HS6ST2: variants seen among roughly 807,000 people sequenced by gnomAD.
HS6ST2 encodes the protein heparan-sulfate 6-O-sulfotransferase 2.
HS6ST2 carries 17 observed loss-of-function variants against 33.0 expected under a neutral mutation model. The observed-to-expected ratio is 0.52, with a 90% CI of 0.35 to 0.77. The LOEUF is 0.77. Among genes scored for constraint, HS6ST2 ranks in the 30% least tolerant of loss-of-function variants. The pLI, the probability that HS6ST2 is intolerant of heterozygous loss-of-function variation, is 0.01. For missense variants in HS6ST2, 519 were observed against 551.7 expected, an observed-to-expected ratio of 0.94 and a Z score of 0.59; for synonymous variants, 248 against 237.1, an observed-to-expected ratio of 1.05 and a Z score of -0.42.
intron 4 of HS6ST2, chrX:132,667,770 G>A (rs759703099): frequency 1.8e-5 from 2 of 112,371 alleles, no homozygotes; most frequent in Non-Finnish European, 3.8e-5. Context: ...ATTGTTGTAA[G>A]CATGGAGTTA....
At chrX:132,913,315 G>T (rs960545129) in intron 2 of HS6ST2, among the ~76,000 whole-genome samples, 4 of 112,350 alleles carry the variant, frequency 3.6e-5, no homozygotes, top group Non-Finnish European at 7.5e-5. Flanking sequence ...TAGCCCTGGG[G>T]CTGCGGGCTG....
chrX:132,835,964 A>T (rs1319136508), intron 2 of HS6ST2, among the ~76,000 whole-genome samples: 1 of 111,708 alleles, frequency 9.0e-6, no homozygotes, highest in East Asian at 2.8e-4. Flanking sequence ...TCCTGTTTCG[A>T]TGCCTCACAT....
chrX:132,719,822 GCTCTTGTCTT>G (rs1409842175), intron 2 of HS6ST2, among the ~76,000 whole-genome samples: 1 of 112,584 alleles, frequency 8.9e-6, no homozygotes, highest in African/African-American at 3.2e-5. Context: ...ACTTTGGACT[GCTCTTGTCTT>G]CAGGATCCAA....
At chrX:132,723,119 T>A (rs748990620) in intron 2 of HS6ST2, among the ~76,000 whole-genome samples, 9 of 111,145 alleles carry the variant, frequency 8.1e-5, no homozygotes, top group Non-Finnish European at 1.5e-4. Flanking sequence ...CTACCAAGAC[T>A]GAACCATGAG....
chrX:132,696,009 C>G (rs1241234266), intron 3 of HS6ST2, among the ~76,000 whole-genome samples: 1 of 111,562 alleles, frequency 9.0e-6, no homozygotes, highest in Non-Finnish European at 1.9e-5. Context: ...CATAACTAAT[C>G]CTCTGAGTCG....
At chrX:132,761,561 A>G (rs931908600) in intron 2 of HS6ST2, among the ~76,000 whole-genome samples, 12 of 112,188 alleles carry the variant, frequency 1.1e-4, no homozygotes, top group Non-Finnish European at 1.9e-4. Context: ...CAGCGTCTCT[A>G]CTTCCCTGTG....
In HS6ST2 at chrX:132,865,134, C is replaced by G. The variant is rs754243434; in HGVS notation, c.947+91674G>C. On this transcript the variant is annotated intron_variant, in intron 2 of 4. Transcript: ENST00000370833. ...CAATGCTATCCCTCCCCCCTCCCCC[C>G]ACCCCACAACAGTCCCCAGAGTGTG... 3.8e-3 allele frequency among the ~76,000 whole-genome samples: 319 copies of G among 84,072 alleles called. 1 individual carries two copies. Among genetic ancestry groups the G allele is most frequent in the African/African-American group, 0.012 (293 of 23,646 alleles). 73.0% of individuals were successfully genotyped at this position (84,072 alleles called of 115,157 possible).
At chrX:132,809,258 G>T (rs2065315273) in intron 2 of HS6ST2, among the ~76,000 whole-genome samples, 1 of 111,859 alleles carries the variant, frequency 8.9e-6, no homozygotes, top group Non-Finnish European at 1.9e-5. Context: ...GAAAGTGCTG[G>T]GATTATAGGC....
intron 2 of HS6ST2, among the ~76,000 whole-genome samples, chrX:132,828,492 G>A (rs2065547773): frequency 9.3e-6 from 1 of 107,457 alleles, no homozygotes; most frequent in Non-Finnish European, 1.9e-5. Flanking sequence ...CCAAAGCCAT[G>A]GCAATCTCCC....
rs1038980953 is a variant in HS6ST2, at chrX:132,650,872, C to T, written c.1067+18241G>A. 6.3e-5 allele frequency among the ~76,000 whole-genome samples: 7 copies of T among 110,463 alleles called. No homozygotes were observed. The Admixed American group carries it at 6.8e-4, about 11-fold the overall frequency. On this transcript the variant is annotated intron_variant, in intron 4 of 4. Transcript: ENST00000370833. ...TCACTGCAGACTCAAACTCCTGATT[C>T]TTGCATCTTAGCTTCCCAAGTGGCT...
chrX:132,922,192 G>T (rs776485183), intron 2 of HS6ST2, among the ~76,000 whole-genome samples: 44 of 111,661 alleles, frequency 3.9e-4, no homozygotes, highest in Non-Finnish European at 7.9e-4. Flanking sequence ...CACGAGGTCA[G>T]GAGATCGAGA....
At chrX:132,895,827 C>G (rs1245820483) in intron 2 of HS6ST2, among the ~76,000 whole-genome samples, 1 of 110,470 alleles carries the variant, frequency 9.1e-6, no homozygotes, top group Non-Finnish European at 1.9e-5. Context: ...AATGGACTGA[C>G]AGTGACTCTG....
chrX:132,631,277 A>G (rs146599680), intron 4 of HS6ST2, among the ~76,000 whole-genome samples: 1 of 112,019 alleles, frequency 8.9e-6, no homozygotes, highest in East Asian at 2.8e-4. Context: ...CACTTTATAT[A>G]TTTTTTCAGG....
chrX:132,828,820 G>T (rs1372542179), intron 2 of HS6ST2, among the ~76,000 whole-genome samples: 5 of 98,372 alleles, frequency 5.1e-5, no homozygotes, highest in African/African-American at 1.9e-4. Flanking sequence ...GTATATATAT[G>T]CTGTACATAT....
chrX:132,953,115 A>G (rs987809754), intron 2 of HS6ST2, among the ~76,000 whole-genome samples: 20 of 111,424 alleles, frequency 1.8e-4, no homozygotes, highest in African/African-American at 5.5e-4. Context: ...CAAATGGCAC[A>G]CTAGAGTTGG....
chrX:132,760,450 A>G (rs2064795402), intron 2 of HS6ST2, among the ~76,000 whole-genome samples: 1 of 111,258 alleles, frequency 9.0e-6, no homozygotes, highest in Non-Finnish European at 1.9e-5. Flanking sequence ...CCATGTGAAG[A>G]AGGACATATT....
intron 3 of HS6ST2, among the ~76,000 whole-genome samples, chrX:132,693,103 C>G (rs968436214): frequency 8.9e-6 from 1 of 112,079 alleles, no homozygotes; most frequent in Non-Finnish European, 1.9e-5. Context: ...TACCATTTTC[C>G]CTCCCACATA....
intron 2 of HS6ST2, among the ~76,000 whole-genome samples, chrX:132,917,155 A>G (rs1263039504): frequency 9.0e-6 from 1 of 111,608 alleles, no homozygotes; most frequent in Admixed American, 9.6e-5. Context: ...TCCCTTCTCC[A>G]AACAGTTGAG....
intron 2 of HS6ST2, among the ~76,000 whole-genome samples, chrX:132,922,140 C>G (rs905790662): frequency 7.2e-5 from 8 of 111,700 alleles, no homozygotes; most frequent in African/African-American, 2.3e-4. Context: ...TGGTGGCTCA[C>G]GCCTGTAATC....
Sources: allele counts gnomAD v4.1 joint callset (sites outside exome capture counted in the v4.1 genomes callset), GRCh38; gene constraint gnomAD v4.1.1; transcripts MANE v1.5; gene names NCBI Gene and HGNC (gene_info 2026-07-23, HGNC 2026-07-21).